EYS: variants seen among roughly 807,000 people sequenced by gnomAD.
EYS encodes protein eyes shut homolog.
EYS carries 250 observed loss-of-function variants against 282.1 expected under a neutral mutation model. The observed-to-expected ratio is 0.89, with a 90% CI of 0.80 to 0.98. EYS has a LOEUF of 0.98. EYS is among the 50% of genes least tolerant of loss of function. The pLI, the probability that EYS is intolerant of heterozygous loss-of-function variation, is 0.00. For missense variants in EYS, 4,016 were observed against 3,709.0 expected (o/e 1.08, Z -2.15); for synonymous variants, 1,355 against 1,282.9 (o/e 1.06, Z -1.20).
chr6:64,176,534 T>A (rs1041104631), intron 31 of EYS, among the ~76,000 whole-genome samples: 3 of 152,190 alleles, frequency 2.0e-5, no homozygotes, highest in African/African-American at 7.2e-5. Flanking sequence ...TGTTTGTGTA[T>A]GTACCAAATA....
In EYS at chr6:63,762,587, C is replaced by A; in HGVS notation, c.7945G>T (p.Val2649Phe). ...GWKGSFCTET[V>F]STCDPEHDPP... Reference sequence around the variant, plus strand: ...TCATGTTCAGGATCACAGGTAGAAACTGTCTCTGTGCAGAATGATCCTTTC... The same window carrying A: ...TCATGTTCAGGATCACAGGTAGAAAATGTCTCTGTGCAGAATGATCCTTTC... Residue 2649 changes from valine (V) to phenylalanine (F), a missense_variant, in exon 41 of 43, where the codon GTT (valine) becomes TTT (phenylalanine). Physicochemically the swap from Val to Phe is conservative, Grantham distance 50. Coordinates refer to ENST00000503581, the MANE Select transcript of EYS (RefSeq NM_001142800.2). The A allele has an allele frequency of 6.5e-7, 1 of 1,550,366 alleles. No homozygotes were observed. Among genetic ancestry groups the A allele is most frequent in the Non-Finnish European group, 8.7e-7 (1 of 1,146,084 alleles).
At chr6:64,896,536 G>A (rs1767472961) in intron 18 of EYS, among the ~76,000 whole-genome samples, 1 of 93,060 alleles carries the variant, frequency 1.1e-5, no homozygotes, top group Non-Finnish European at 2.6e-5. Context: ...GCTAGCTGCA[G>A]GAGTTGTTGT....
At chr6:65,180,982 GC>G (rs1228892076) in intron 12 of EYS, among the ~76,000 whole-genome samples, 2 of 152,106 alleles carry the variant, frequency 1.3e-5, no homozygotes, top group Admixed American at 6.6e-5. Flanking sequence ...AATAAATGGT[GC>G]CGGGAAAACT....
At chr6:64,150,008 T>A (rs1311407071) in intron 31 of EYS, among the ~76,000 whole-genome samples, 1 of 152,234 alleles carries the variant, frequency 6.6e-6, no homozygotes, top group Admixed American at 6.5e-5. Context: ...ATAGTCACCA[T>A]TACTGGTAAT....
At position 65,494,644 on chromosome 6, in the gene EYS, A is replaced by G. The variant is rs1562220846; in HGVS notation, c.748+19T>C. The G allele has an allele frequency of 6.6e-7, 1 of 1,522,536 alleles. No individual in the cohort carries two copies. 94.3% of individuals were successfully genotyped at this position (1,522,536 alleles called of 1,614,324 possible). A position where few individuals can be genotyped will look rare whatever the true frequency, so the allele number is the denominator to read the frequency against. ...TGTTTCTCTATTTTAATAAAATTAT[A>G]TATTTTAAACAATCTTACCTGTAAA... On this transcript the variant is annotated intron_variant, in intron 4 of 42. Transcript: ENST00000503581.
At chr6:64,583,508 T>C (rs1766138801) in intron 26 of EYS, among the ~76,000 whole-genome samples, 1 of 152,058 alleles carries the variant, frequency 6.6e-6, no homozygotes, top group Admixed American at 6.6e-5. Context: ...TAAAATGATG[T>C]GATTAGGCCA....
chr6:65,347,369 T>C (rs533850215), intron 9 of EYS, among the ~76,000 whole-genome samples: 89 of 151,924 alleles, frequency 5.9e-4, no homozygotes, highest in African/African-American at 2.0e-3. Context: ...TCTTAATTTC[T>C]AAGTTATTGA....
At chr6:63,777,495 T>G (rs953030855) in intron 40 of EYS, 2 of 153,192 alleles carry the variant, frequency 1.3e-5, no homozygotes, top group South Asian at 2.0e-4. Flanking sequence ...ACCCCTCATA[T>G]ACTACTTTTG....
chr6:65,380,859 A>T (rs769098690), intron 8 of EYS, among the ~76,000 whole-genome samples: 2 of 152,188 alleles, frequency 1.3e-5, no homozygotes, highest in African/African-American at 2.4e-5. Flanking sequence ...CAGCAAACAT[A>T]TAAAAAAAAG....
intron 22 of EYS, among the ~76,000 whole-genome samples, chr6:64,714,553 T>G (rs1394740677): frequency 7.0e-6 from 1 of 143,108 alleles, no homozygotes; most frequent in African/African-American, 2.7e-5. Flanking sequence ...TGAGACGGAG[T>G]CTGGCTCTGT....
intron 5 of EYS, among the ~76,000 whole-genome samples, chr6:65,456,524 G>A (rs1277252876): frequency 2.6e-5 from 4 of 151,388 alleles, no homozygotes; most frequent in African/African-American, 7.3e-5. Flanking sequence ...CACTGTTCTT[G>A]TACAATTATT....
chr6:65,670,823 G>A (rs772765841), intron 1 of EYS, among the ~76,000 whole-genome samples: 4 of 151,164 alleles, frequency 2.6e-5, no homozygotes, highest in Non-Finnish European at 5.9e-5. Flanking sequence ...AACATAAAAA[G>A]AGCAAGTTAA....
At chr6:65,126,827 G>A (rs1775733717) in intron 12 of EYS, among the ~76,000 whole-genome samples, 1 of 152,102 alleles carries the variant, frequency 6.6e-6, no homozygotes, top group African/African-American at 2.4e-5. Context: ...CCTGGGGGAT[G>A]GTGCTCAGAA....
chr6:64,032,428 T>C (rs1162582778), intron 33 of EYS, among the ~76,000 whole-genome samples: 1 of 152,250 alleles, frequency 6.6e-6, no homozygotes, highest in African/African-American at 2.4e-5. Context: ...AAACTTTTTC[T>C]ATATTTACAA....
chr6:64,261,448 C>T (rs1767585315), intron 30 of EYS, among the ~76,000 whole-genome samples: 1 of 151,958 alleles, frequency 6.6e-6, no homozygotes, highest in Non-Finnish European at 1.5e-5. Context: ...TTTATTTTAC[C>T]ATTAACATCT....
At chr6:64,984,302 G>A (rs1770779252) in intron 14 of EYS, among the ~76,000 whole-genome samples, 2 of 151,336 alleles carry the variant, frequency 1.3e-5, no homozygotes, top group Non-Finnish European at 3.0e-5. Context: ...TTCTAAAGGA[G>A]CAGAGAGGTT....
intron 31 of EYS, among the ~76,000 whole-genome samples, chr6:64,213,155 T>C (rs1269412065): frequency 6.6e-6 from 1 of 152,094 alleles, no homozygotes; most frequent in Admixed American, 6.6e-5. Flanking sequence ...TTAATACCTG[T>C]ACAACAAACC....
At chr6:64,365,281 G>A (rs1168379927) in intron 29 of EYS, among the ~76,000 whole-genome samples, 1 of 152,012 alleles carries the variant, frequency 6.6e-6, no homozygotes, top group African/African-American at 2.4e-5. Context: ...GCTACATATA[G>A]AGCAGAAATA....
At chr6:64,772,230 T>C (rs1398097565) in intron 22 of EYS, among the ~76,000 whole-genome samples, 1 of 151,792 alleles carries the variant, frequency 6.6e-6, no homozygotes, top group African/African-American at 2.4e-5. Flanking sequence ...CTCTCCTATA[T>C]CAGCTGTCCT....
Sources: gnomAD v4.1 joint callset for allele counts (sites outside exome capture counted in the v4.1 genomes callset) on GRCh38, gnomAD v4.1.1 for gene constraint, MANE v1.5 for transcripts, NCBI Gene and HGNC (gene_info 2026-07-23, HGNC 2026-07-21) for gene names.